Variants in AVEN observed in about 807,000 individuals in gnomAD.
AVEN encodes cell death regulator Aven.
A neutral mutation model predicts 38.1 loss-of-function variants in AVEN; 41 were observed. That is an observed-to-expected ratio of 1.08 (90% CI 0.84 to 1.40). The LOEUF (loss-of-function observed/expected upper bound fraction) is 1.40, where lower values mean the gene tolerates loss of function less well. Ranked by LOEUF, AVEN falls within the 40% of genes most tolerant of loss-of-function variation. AVEN has a pLI of 0.00. For missense variants in AVEN, 605 were observed against 438.8 expected (o/e 1.38, Z -3.38); for synonymous variants, 206 against 171.8 (o/e 1.20, Z -1.56).
downstream of AVEN, chr15:33,854,575 T>A: frequency 1.9e-6 from 2 of 1,051,924 alleles, no homozygotes; most frequent in Non-Finnish European, 2.8e-6. Context: ...GCCTTATACG[T>A]GCTGGGGGAA....
chr15:33,864,981 C>T, downstream of AVEN: 1 of 597,260 alleles, frequency 1.7e-6, no homozygotes, highest in South Asian at 2.2e-5. Context: ...ACAGCCTGTG[C>T]TGGGAATAGA....
At position 34,031,267 on chromosome 15, in the gene AVEN, C is replaced by T. The variant is rs931581507; in HGVS notation, c.267+7513G>A. ...TCAGCTCACTGCAACCTCCGCCTCC[C>T]GGGTTCAAGCGATTCTCCTGTCTCA... On this transcript the variant is annotated intron_variant, in intron 1 of 5. Transcript: ENST00000306730. 4.0e-5 allele frequency among the ~76,000 whole-genome samples: 6 copies of T among 149,480 alleles called. 1 individual carries two copies. In the South Asian group the frequency reaches 1.1e-3, roughly 26 times the overall value.
intron 2 of AVEN, among the ~76,000 whole-genome samples, chr15:33,884,400 T>A (rs967598617): frequency 3.3e-5 from 5 of 152,196 alleles, no homozygotes; most frequent in Non-Finnish European, 7.3e-5. Context: ...TATAGTACTT[T>A]TAAAAATAGT....
chr15:33,983,249 T>C (rs1446908499), intron 2 of AVEN, among the ~76,000 whole-genome samples: 3 of 130,778 alleles, frequency 2.3e-5, no homozygotes, highest in Non-Finnish European at 4.6e-5. Flanking sequence ...CACACACATA[T>C]ATATGGCTTC....
intron 1 of AVEN, among the ~76,000 whole-genome samples, chr15:34,072,992 T>C (rs1297216231): frequency 1.3e-5 from 2 of 151,300 alleles, no homozygotes; most frequent in Non-Finnish European, 2.9e-5. Context: ...GCCAAATATC[T>C]TACCATCTAT....
intron 2 of AVEN, among the ~76,000 whole-genome samples, chr15:33,969,572 T>A (rs779860871): frequency 6.6e-6 from 1 of 151,960 alleles, no homozygotes; most frequent in Non-Finnish European, 1.5e-5. Flanking sequence ...TTTATTCATA[T>A]AAAGGAACAA....
chr15:34,055,825 AAAAT>A (rs1046487985), intron 5 of AVEN, among the ~76,000 whole-genome samples: 1 of 152,202 alleles, frequency 6.6e-6, no homozygotes, highest in African/African-American at 2.4e-5. Flanking sequence ...TAAATAAATA[AAAAT>A]AAACAAATAA....
chr15:33,865,311 GAAATGTGACATTTTCTA>G, downstream of AVEN: 1 of 883,298 alleles, frequency 1.1e-6, no homozygotes, highest in Admixed American at 2.7e-5. Context: ...CAACATATCT[GAAATGTGACATTTTCTA>G]AATGCCTCCC....
At chr15:33,875,868 G>A (rs1403187513) in intron 3 of AVEN, 57 bp downstream of exon 3, 3 of 1,466,566 alleles carry the variant, frequency 2.0e-6, no homozygotes, top group African/African-American at 1.4e-5. Context: ...CGTAAAAGGT[G>A]TTAGCCTTCA....
chr15:33,857,845 C>G, downstream of AVEN: 1 of 1,614,192 alleles, frequency 6.2e-7, no homozygotes, highest in Non-Finnish European at 8.5e-7. Flanking sequence ...CTTTCAACTT[C>G]TTCCGCAAGT....
At chr15:33,970,151 C>T (rs1895571975) in intron 2 of AVEN, among the ~76,000 whole-genome samples, 1 of 151,908 alleles carries the variant, frequency 6.6e-6, no homozygotes, top group South Asian at 2.1e-4. Flanking sequence ...TGGTAATATA[C>T]ATAAAGTTAT....
At chr15:33,857,943 CCA>C, downstream of AVEN, 1 of 1,610,158 alleles carries the variant, frequency 6.2e-7, no homozygotes, top group Non-Finnish European at 8.5e-7. Flanking sequence ...CGGGGCCAGC[CCA>C]CCCACTGCGG....
chr15:33,960,857 G>A (rs967638178), intron 2 of AVEN, among the ~76,000 whole-genome samples: 2 of 152,170 alleles, frequency 1.3e-5, no homozygotes, highest in African/African-American at 4.8e-5. Flanking sequence ...CCAGTGTCTA[G>A]AACAATGCAC....
At chr15:33,917,428 A>G (rs1425149748) in intron 2 of AVEN, among the ~76,000 whole-genome samples, 1 of 149,960 alleles carries the variant, frequency 6.7e-6, no homozygotes, top group Non-Finnish European at 1.5e-5. Context: ...TACACACACT[A>G]TATATATACA....
At chr15:34,043,592 A>G (rs1262722716), upstream of AVEN, among the ~76,000 whole-genome samples, 1 of 152,198 alleles carries the variant, frequency 6.6e-6, no homozygotes, top group African/African-American at 2.4e-5. Context: ...CCTGGAATCC[A>G]CAGCCTGTAC....
Position 33,951,282 on chromosome 15 carries a change from T to C in AVEN, c.445+51750A>G, listed in dbSNP as rs555274855. On this transcript the variant is annotated intron_variant, in intron 2 of 5. Transcript: ENST00000306730. Reference sequence around the variant, plus strand: ...TTCCTTCAAAACATTCCTCACAGTATTTCTAAAGTAATTTATTAACAATTA... The same window carrying C: ...TTCCTTCAAAACATTCCTCACAGTACTTCTAAAGTAATTTATTAACAATTA... Among the ~76,000 whole-genome samples the C allele has an allele frequency of 7.9e-5, 12 of 152,302 alleles. No individual in the cohort carries two copies. In the South Asian group the frequency reaches 2.5e-3, roughly 32 times the overall value.
intron 2 of AVEN, among the ~76,000 whole-genome samples, chr15:33,912,888 ATTTTT>A (rs34666691): frequency 4.8e-5 from 7 of 144,402 alleles, no homozygotes; most frequent in Admixed American, 1.4e-4. Flanking sequence ...AAAAGGCATA[ATTTTT>A]TTTTTTTTTT....
At chr15:33,969,380 C>CT (rs1397766080) in intron 2 of AVEN, among the ~76,000 whole-genome samples, 1 of 151,730 alleles carries the variant, frequency 6.6e-6, no homozygotes, top group East Asian at 1.9e-4. Flanking sequence ...TTTGTCTCAT[C>CT]TTTGTCTTTA....
At chr15:34,030,397 G>A (rs559602792) in intron 1 of AVEN, among the ~76,000 whole-genome samples, 163 of 152,166 alleles carry the variant, frequency 1.1e-3, no homozygotes, top group African/African-American at 2.7e-3. Flanking sequence ...CCAGGCTGGA[G>A]TGCAGTGGCG....
Sources: gnomAD v4.1 joint callset for allele counts (sites outside exome capture counted in the v4.1 genomes callset) on GRCh38, gnomAD v4.1.1 for gene constraint, MANE v1.5 for transcripts, NCBI Gene and HGNC (gene_info 2026-07-23, HGNC 2026-07-21) for gene names.